The following PCDHGB1 variants were observed in gnomAD, a reference collection of about 807,000 sequenced individuals.
The protein encoded by PCDHGB1 is protocadherin gamma subfamily B, 1.
PCDHGB1 carries 34 observed loss-of-function variants against 56.6 expected under a neutral mutation model. The observed-to-expected ratio is 0.60, with a 90% CI of 0.46 to 0.80. PCDHGB1 has a LOEUF of 0.80. PCDHGB1 is among the 30% of genes least tolerant of loss of function. The pLI is 0.00. For synonymous variants in PCDHGB1, 561 were observed against 505.9 expected (o/e 1.11, Z -1.46); for missense variants, 1,278 against 1,204.6 (o/e 1.06, Z -0.90).
intron 1 of PCDHGB1, among the ~76,000 whole-genome samples, chr5:141,469,170 G>A (rs2099192781): frequency 6.6e-6 from 1 of 152,042 alleles, no homozygotes; most frequent in South Asian, 2.1e-4. Context: ...CAGCTACTTG[G>A]GAGGCTGAGG....
chr5:141,384,465 T>C, intron 1 of PCDHGB1: 2 of 1,614,118 alleles, frequency 1.2e-6, no homozygotes, highest in Non-Finnish European at 1.7e-6. Flanking sequence ...CCTTTGATTA[T>C]GAGCAGTTGA....
chr5:141,416,233 C>T (rs1313671195), intron 1 of PCDHGB1: 1 of 152,210 alleles, frequency 6.6e-6, no homozygotes, highest in Non-Finnish European at 1.5e-5. Flanking sequence ...ATTTTTCCAG[C>T]CCTATTTATA....
Position 141,476,944 on chromosome 5 carries a change from C to T in PCDHGB1, c.2410-17863C>T, listed in dbSNP as rs1360022622. The T allele has an allele frequency of 3.3e-5, 53 of 1,614,072 alleles. No homozygotes were observed. The highest frequency in any genetic ancestry group is 4.1e-5 in the Non-Finnish European group (48 of 1,180,052). ...CAACGGATCTGGATGAAGGCCCCAACGGTGAAATTATTTACTCCTTCGGCA... is the reference window on the plus strand; with the variant it reads ...CAACGGATCTGGATGAAGGCCCCAATGGTGAAATTATTTACTCCTTCGGCA... On this transcript the variant is annotated intron_variant, in intron 1 of 3. Transcript: ENST00000523390. The surrounding 1 kb of genome is among the most constrained non-coding windows in gnomAD (Gnocchi z 7.6).
At chr5:141,488,385 G>A (rs917106670) in intron 1 of PCDHGB1, among the ~76,000 whole-genome samples, 11 of 152,164 alleles carry the variant, frequency 7.2e-5, no homozygotes, top group Non-Finnish European at 1.5e-5. Context: ...TCCTGAATTT[G>A]GTGAAACCAT....
At chr5:141,451,113 C>T (rs2098707217) in intron 1 of PCDHGB1, among the ~76,000 whole-genome samples, 1 of 152,152 alleles carries the variant, frequency 6.6e-6, no homozygotes. Context: ...CAGGCGTGAG[C>T]CACCACACCC....
At chr5:141,502,030 C>T (rs1031787021) in intron 2 of PCDHGB1, among the ~76,000 whole-genome samples, 4 of 152,180 alleles carry the variant, frequency 2.6e-5, no homozygotes, top group Non-Finnish European at 4.4e-5. Flanking sequence ...CAACCCCCGC[C>T]GCTTGCCTGC....
At position 141,459,173 on chromosome 5, in the gene PCDHGB1, AG is replaced by A. The variant is rs370401072; in HGVS notation, c.2410-35633del. Among the ~76,000 whole-genome samples the A allele has an allele frequency of 3.1e-3, 479 of 152,326 alleles. 10 individuals carry two copies. In the South Asian group the frequency reaches 0.063, roughly 20 times the overall value. ...ATAGAACATTTCTATAACCTTCAAA[AG>A]TTCCCTCATGCCCCTTTGCAATCAA... On this transcript the variant is annotated intron_variant, in intron 1 of 3. Coordinates refer to ENST00000523390, the MANE Select transcript of PCDHGB1 (RefSeq NM_018922.3).
At chr5:141,428,333 T>A in intron 1 of PCDHGB1, 1 of 618,518 alleles carries the variant, frequency 1.6e-6, no homozygotes, top group Non-Finnish European at 2.9e-6. Context: ...ATTTCTATGC[T>A]CTTCTTCCTC....
At chr5:141,364,554 T>G in intron 1 of PCDHGB1, 1 of 1,614,122 alleles carries the variant, frequency 6.2e-7, no homozygotes. Flanking sequence ...ACGCAGCTTT[T>G]TGCCCTGAAC....
intron 1 of PCDHGB1, chr5:141,408,161 C>T: frequency 2.0e-6 from 3 of 1,517,698 alleles, no homozygotes; most frequent in Non-Finnish European, 2.7e-6. Context: ...TGCACTTTCT[C>T]CAACTGGAAA....
chr5:141,357,109 G>T, intron 1 of PCDHGB1: 1 of 1,613,832 alleles, frequency 6.2e-7, no homozygotes, highest in Non-Finnish European at 8.5e-7. Context: ...GGACAGAGAC[G>T]CGCTCAAGCA....
intron 1 of PCDHGB1, chr5:141,422,129 A>T: frequency 6.3e-7 from 1 of 1,599,702 alleles, no homozygotes; most frequent in East Asian, 2.2e-5. Flanking sequence ...CAAACTGGAG[A>T]AGTTCAAGTA....
chr5:141,384,112 G>T (rs372458558), intron 1 of PCDHGB1: 2 of 1,605,392 alleles, frequency 1.2e-6, no homozygotes, highest in Non-Finnish European at 1.7e-6. Flanking sequence ...TTATAGATTG[G>T]TCACAACCAA....
intron 1 of PCDHGB1, chr5:141,402,983 G>A (rs748129276): frequency 6.2e-6 from 10 of 1,609,166 alleles, no homozygotes; most frequent in African/African-American, 1.3e-5. Flanking sequence ...CCAGCTCCGC[G>A]GAAGATTAGT....
At chr5:141,354,402 G>C (rs1375359992) in intron 1 of PCDHGB1, among the ~76,000 whole-genome samples, 1 of 152,184 alleles carries the variant, frequency 6.6e-6, no homozygotes, top group Non-Finnish European at 1.5e-5. Flanking sequence ...AGAATCTACT[G>C]TACACAAAAT....
intron 1 of PCDHGB1, among the ~76,000 whole-genome samples, chr5:141,444,192 A>ATT: frequency 1.9e-5 from 1 of 52,730 alleles, no homozygotes; most frequent in African/African-American, 7.7e-5. Flanking sequence ...TTTTTTTGAG[A>ATT]TGGAGTTTCA....
intron 1 of PCDHGB1, among the ~76,000 whole-genome samples, chr5:141,436,531 G>A (rs1365651055): frequency 2.6e-5 from 4 of 152,152 alleles, no homozygotes; most frequent in South Asian, 2.1e-4. Flanking sequence ...CCTTTAGCAA[G>A]TTATTTAATC....
intron 1 of PCDHGB1, chr5:141,403,938 G>C (rs1181403397): frequency 1.2e-6 from 2 of 1,613,848 alleles, no homozygotes; most frequent in Non-Finnish European, 1.7e-6. Flanking sequence ...GGATTGAAAG[G>C]GTGGACAAAA....
At chr5:141,473,131 A>G (rs1262205483) in intron 1 of PCDHGB1, among the ~76,000 whole-genome samples, 2 of 152,214 alleles carry the variant, frequency 1.3e-5, no homozygotes, top group Admixed American at 6.5e-5. Context: ...TTGGCAAACT[A>G]TATTATCTCT....
Sources: allele counts gnomAD v4.1 joint callset (sites outside exome capture counted in the v4.1 genomes callset), GRCh38; gene constraint gnomAD v4.1.1; non-coding constraint Gnocchi (gnomAD v3.1); transcripts MANE v1.5; gene names NCBI Gene and HGNC (gene_info 2026-07-23, HGNC 2026-07-21).